ZNF724: variants seen among roughly 807,000 people sequenced by gnomAD.
ZNF724 encodes the protein zinc finger protein 724, also known as zinc finger protein 724 pseudogene.
ZNF724 carries 14 observed loss-of-function variants against 29.3 expected under a neutral mutation model. That is an observed-to-expected ratio of 0.48 (90% CI 0.32 to 0.75). The LOEUF is 0.75. Among genes scored for constraint, ZNF724 ranks in the 30% least tolerant of loss-of-function variants. ZNF724 has a pLI of 0.04. For missense variants in ZNF724, 557 were observed against 571.2 expected, an observed-to-expected ratio of 0.98 and a Z score of 0.25; for synonymous variants, 180 against 193.6, an observed-to-expected ratio of 0.93 and a Z score of 0.58.
intron 1 of ZNF724, among the ~76,000 whole-genome samples, chr19:23,239,303 T>C (rs1020955185): frequency 2.0e-5 from 3 of 152,362 alleles, no homozygotes; most frequent in South Asian, 2.1e-4. Flanking sequence ...TACTCTAAAA[T>C]TGACCACACA....
intron 1 of ZNF724, among the ~76,000 whole-genome samples, chr19:23,239,792 C>T (rs996772388): frequency 1.3e-5 from 2 of 151,974 alleles, no homozygotes; most frequent in African/African-American, 4.8e-5. Context: ...GGCTAGGCAA[C>T]GCAGCGAGAC....
At chr19:23,239,660 A>G (rs962915645) in intron 1 of ZNF724, among the ~76,000 whole-genome samples, 27 of 152,108 alleles carry the variant, frequency 1.8e-4, no homozygotes, top group African/African-American at 6.0e-4. Flanking sequence ...AAAATACAAA[A>G]ATTAGCCAGT....
rs769661603 is a variant in ZNF724 at position 23,223,035 on chromosome 19, T to A, written c.1210A>T (p.Asn404Tyr). 1 of 1,315,460 alleles carries A rather than the reference T, an allele frequency of 7.6e-7. No individual in the cohort carries two copies. Among genetic ancestry groups the A allele is most frequent in the Admixed American group, 1.7e-5 (1 of 59,620 alleles). 81.5% of individuals were successfully genotyped at this position (1,315,460 alleles called of 1,614,324 possible). The change falls in exon 4 of 4, where the codon AAC becomes TAC. Residue 404 changes from asparagine (N) to tyrosine (Y), a missense_variant. Asn to Tyr is a moderately radical substitution (Grantham distance 143). Transcript: ENST00000418100. ...TGTGTGGTGAGGTGTGAGGATGTGT[T>A]AAAGGCTTTGCCACATTCTTCACAT... ...YKCEECGKAFNTSSHLTTHKR... is the reference protein window; with the variant it reads ...YKCEECGKAFYTSSHLTTHKR...
rs774486403 is a variant in ZNF724 at position 23,223,049 on chromosome 19, C to A, written c.1196G>T (p.Cys399Phe). The stretch of plus-strand genomic sequence containing the variant: ...TGAGGATGTGTTAAAGGCTTTGCCA[C>A]ATTCTTCACATTTGTATGGTTTTTC... ...TGEKPYKCEE[C>F]GKAFNTSSHL... is the part of the protein sequence containing the mutation. The change falls in exon 4 of 4, where the codon TGT becomes TTT. Residue 399 changes from cysteine to phenylalanine, a missense_variant. By Grantham distance (205) the Cys-to-Phe change is radical. Around this residue, in one of 3 missense-constraint regions of ZNF724, gnomAD observed 362 missense variants for 295.5 expected, o/e 1.22. Transcript: ENST00000418100. The A allele has an allele frequency of 7.7e-6, 10 of 1,297,664 alleles. No individual in the cohort carries two copies. The highest frequency in any genetic ancestry group is 9.0e-6 in the Non-Finnish European group (8 of 893,004). The allele number at this position is 1,297,664 out of a possible 1,614,324, so 80.4% of individuals were successfully genotyped here. A position where few individuals can be genotyped will look rare whatever the true frequency, so the allele number is the denominator to read the frequency against.
chr19:23,230,603 AAC>A (rs1157186591), intron 3 of ZNF724, among the ~76,000 whole-genome samples: 6 of 152,336 alleles, frequency 3.9e-5, no homozygotes, highest in African/African-American at 1.4e-4. Context: ...TTAATAGTTT[AAC>A]ACAGAGTTTC....
Position 23,250,293 on chromosome 19 carries a change from G to A in ZNF724, c.-51C>T. 1.6e-6 allele frequency: 1 copy of A among 642,764 alleles called. No individual in the cohort carries two copies. The highest frequency in any genetic ancestry group is 2.8e-6 in the Non-Finnish European group (1 of 355,694). 39.8% of individuals were successfully genotyped at this position (642,764 alleles called of 1,614,324 possible). On this transcript the variant is annotated 5_prime_UTR_variant, in exon 1 of 4. Coordinates refer to ENST00000418100, the MANE Select transcript of ZNF724 (RefSeq NM_001355404.2). Reference sequence around the variant, plus strand: ...GCGTCTTAGCTGTGGATCTCCCAATGCTTGCAGGTCAGAGGGCCACAGAGG... The same window carrying A: ...GCGTCTTAGCTGTGGATCTCCCAATACTTGCAGGTCAGAGGGCCACAGAGG...
chr19:23,245,381 A>T, intron 1 of ZNF724, among the ~76,000 whole-genome samples: 1 of 152,192 alleles, frequency 6.6e-6, no homozygotes, highest in East Asian at 1.9e-4. Flanking sequence ...TGGGAGGCCA[A>T]GGCAGGTGGA....
chr19:23,236,427 A>C (rs1972022309), intron 1 of ZNF724: 1 of 152,478 alleles, frequency 6.6e-6, no homozygotes, highest in South Asian at 2.1e-4. Context: ...CTGGATTTTC[A>C]GCATCAGTCC....
At position 23,222,411 on chromosome 19, in the gene ZNF724, G is replaced by A. The variant is rs1971731513; in HGVS notation, c.1834C>T (p.His612Tyr). The stretch of plus-strand genomic sequence containing the variant: ...TATTTGTCAGATTTTTCTACAGCAT[G>A]AATTTTCTTGTGTGTAGTAAGGTTT... ...CSNLTTHKKI[H>Y]AVEKSDK is the part of the protein sequence containing the mutation. The change falls in exon 4 of 4, where the codon CAT becomes TAT. Residue 612 changes from histidine to tyrosine, a missense_variant. Around this residue, in one of 3 missense-constraint regions of ZNF724, gnomAD observed 170 missense variants for 220.7 expected, o/e 0.77. Coordinates refer to ENST00000418100, the MANE Select transcript of ZNF724 (RefSeq NM_001355404.2). The A allele has an allele frequency of 8.4e-7, 1 of 1,191,394 alleles. No homozygotes were observed. The highest frequency in any genetic ancestry group is 2.3e-5 in the East Asian group (1 of 42,724). 73.8% of individuals were successfully genotyped at this position (1,191,394 alleles called of 1,614,324 possible).
rs775313076 is a variant in ZNF724, at chr19:23,250,320, T to G, written c.-78A>C. On this transcript the variant is annotated 5_prime_UTR_variant, in exon 1 of 4. Transcript: ENST00000418100. Reference sequence around the variant, plus strand: ...TTGCAGGTCAGAGGGCCACAGAGGCTGGGCCTCTAAGAGCAGGGGACACAA... The same window carrying G: ...TTGCAGGTCAGAGGGCCACAGAGGCGGGGCCTCTAAGAGCAGGGGACACAA... 6 of 560,536 alleles carry G rather than the reference T, an allele frequency of 1.1e-5. No homozygotes were observed. Among genetic ancestry groups the G allele is most frequent in the Non-Finnish European group, 2.1e-5 (6 of 283,562 alleles). 34.7% of individuals were successfully genotyped at this position (560,536 alleles called of 1,614,324 possible).
rs549779730 is a variant in ZNF724, at chr19:23,229,077, AAGAG to A, written c.226+2185_226+2188del. ...GACTCCGTCTCAAAAGAAAAAAAAA[AAGAG>A]AGATTGAGAGAGAGAGCTTTGAGAT... is the stretch of plus-strand genomic sequence containing the variant. On this transcript the variant is annotated intron_variant, in intron 3 of 3. Transcript: ENST00000418100. Among the ~76,000 whole-genome samples, 600 of 151,972 alleles carry A rather than the reference AAGAG, an allele frequency of 3.9e-3. 3 individuals carry two copies. The highest frequency in any genetic ancestry group is 5.7e-3 in the Non-Finnish European group (390 of 67,954).
At chr19:23,233,801 A>AC (rs1971980202) in intron 1 of ZNF724, among the ~76,000 whole-genome samples, 1 of 151,616 alleles carries the variant, frequency 6.6e-6, no homozygotes, top group Non-Finnish European at 1.5e-5. Context: ...TTAGCTGAAA[A>AC]AAAAAAAAAT....
intron 1 of ZNF724, among the ~76,000 whole-genome samples, chr19:23,247,427 A>T (rs530011468): frequency 1.3e-5 from 2 of 152,368 alleles, no homozygotes; most frequent in African/African-American, 4.8e-5. Context: ...ATAAGTGAAC[A>T]AATCTTTTCA....
intron 3 of ZNF724, among the ~76,000 whole-genome samples, chr19:23,228,619 G>T (rs1284502679): frequency 1.3e-5 from 2 of 152,060 alleles, no homozygotes; most frequent in Non-Finnish European, 2.9e-5. Context: ...TCCAGGCATG[G>T]CCGGGCACGA....
Position 23,223,660 on chromosome 19 carries a change from G to T in ZNF724, c.585C>A (p.Val195=). ...LTQHKRIHTT[V]NSYKLEECGK... ...CACATTCTTCAAGTTTGTAGGAATT[G>T]ACAGTAGTGTGAATTCTTTTATGTT... The change falls in exon 4 of 4, where the codon GTC becomes GTA. Residue 195 remains valine (V), a synonymous_variant. Transcript: ENST00000418100. The T allele has an allele frequency of 1.4e-6, 1 of 714,796 alleles. No homozygotes were observed. Among genetic ancestry groups the T allele is most frequent in the South Asian group, 1.5e-5 (1 of 67,808 alleles). 44.3% of individuals were successfully genotyped at this position (714,796 alleles called of 1,614,324 possible). A position where few individuals can be genotyped will look rare whatever the true frequency, so the allele number is the denominator to read the frequency against.
chr19:23,247,429 A>T (rs959663526), intron 1 of ZNF724, among the ~76,000 whole-genome samples: 7 of 152,210 alleles, frequency 4.6e-5, no homozygotes, highest in African/African-American at 1.7e-4. Flanking sequence ...AAGTGAACAA[A>T]TCTTTTCAAG....
intron 3 of ZNF724, among the ~76,000 whole-genome samples, chr19:23,228,454 C>CAA (rs35156216): frequency 1.7e-4 from 17 of 100,108 alleles, no homozygotes; most frequent in East Asian, 3.1e-4. Context: ...GACTTCGTCT[C>CAA]AAAAAAAAAA....
intron 3 of ZNF724, among the ~76,000 whole-genome samples, chr19:23,224,731 G>A (rs1297097477): frequency 1.3e-5 from 2 of 151,906 alleles, no homozygotes; most frequent in African/African-American, 2.4e-5. Flanking sequence ...CGGGTGGGCC[G>A]ATCACCTGAG....
At chr19:23,246,674 T>A (rs1010091320) in intron 1 of ZNF724, among the ~76,000 whole-genome samples, 3 of 151,584 alleles carry the variant, frequency 2.0e-5, no homozygotes, top group Non-Finnish European at 4.4e-5. Context: ...AAAAAAAGAA[T>A]TAGCATTAAA....
Sources: gnomAD v4.1 joint callset for allele counts (sites outside exome capture counted in the v4.1 genomes callset) on GRCh38, gnomAD v4.1.1 for gene constraint, gnomAD v4.1.1 regional missense constraint, MANE v1.5 for transcripts, NCBI Gene and HGNC (gene_info 2026-07-23, HGNC 2026-07-21) for gene names.